The following DNM3 variants were observed in gnomAD, a reference collection of about 807,000 sequenced individuals.
DNM3 encodes dynamin 3.
DNM3 carries 47 observed loss-of-function variants against 101.6 expected under a neutral mutation model. That is an observed-to-expected ratio of 0.46 (90% CI 0.37 to 0.59). The LOEUF is 0.59. Ranked by LOEUF, DNM3 falls within the 20% of genes least tolerant of loss-of-function variation. The probability of loss-of-function intolerance (pLI) is 0.00; values close to 1 mark genes in which losing one functional copy is unlikely to be tolerated. For synonymous variants in DNM3, 385 were observed against 387.9 expected (o/e 0.99, Z 0.09); for missense variants, 849 against 1,085.7 (o/e 0.78, Z 3.06).
intron 15 of DNM3, among the ~76,000 whole-genome samples, chr1:172,265,719 C>T (rs1239660879): frequency 1.3e-5 from 2 of 152,100 alleles, no homozygotes; most frequent in African/African-American, 4.8e-5. Context: ...ATAATGGCCT[C>T]ACTGTGCTTC....
intron 4 of DNM3, among the ~76,000 whole-genome samples, chr1:172,012,840 G>A (rs2125714378): frequency 6.6e-6 from 1 of 151,956 alleles, no homozygotes; most frequent in Admixed American, 6.6e-5. Context: ...AATAAAAACT[G>A]GGTTATTCAG....
chr1:171,914,546 A>G (rs2039561394), intron 1 of DNM3, among the ~76,000 whole-genome samples: 1 of 152,012 alleles, frequency 6.6e-6, no homozygotes, highest in African/African-American at 2.4e-5. Context: ...ATTCTATTCC[A>G]TGTCATTAGA....
At chr1:172,289,997 G>A in intron 15 of DNM3, 3 of 914,338 alleles carry the variant, frequency 3.3e-6, no homozygotes, top group Non-Finnish European at 3.9e-6. Flanking sequence ...GACATCATAG[G>A]TTTGATGATT....
At chr1:172,185,162 G>A (rs2059479958) in intron 14 of DNM3, among the ~76,000 whole-genome samples, 1 of 152,092 alleles carries the variant, frequency 6.6e-6, no homozygotes, top group Non-Finnish European at 1.5e-5. Context: ...AGCTAAGATG[G>A]AATTGAGGGA....
intron 1 of DNM3, among the ~76,000 whole-genome samples, chr1:171,893,684 G>A (rs1470687682): frequency 6.6e-6 from 1 of 151,936 alleles, no homozygotes; most frequent in Non-Finnish European, 1.5e-5. Context: ...CAAACTCCTG[G>A]GCTCAAGTGA....
At chr1:172,111,736 G>C (rs1366190654) in intron 13 of DNM3, among the ~76,000 whole-genome samples, 1 of 151,964 alleles carries the variant, frequency 6.6e-6, no homozygotes, top group African/African-American at 2.4e-5. Flanking sequence ...GAACAGAGTA[G>C]ATAGAAGAAA....
chr1:172,208,760 G>T (rs1472353111), intron 14 of DNM3, among the ~76,000 whole-genome samples: 1 of 152,054 alleles, frequency 6.6e-6, no homozygotes, highest in Non-Finnish European at 1.5e-5. Context: ...GCTACTCCTT[G>T]ACACTGCTAG....
intron 17 of DNM3, among the ~76,000 whole-genome samples, chr1:172,325,823 T>C (rs2065915630): frequency 1.3e-5 from 2 of 152,222 alleles, no homozygotes; most frequent in Non-Finnish European, 2.9e-5. Context: ...ATCTAGTGCA[T>C]GGCATTTTAT....
intron 4 of DNM3, among the ~76,000 whole-genome samples, chr1:172,004,130 G>A (rs1384832143): frequency 6.6e-6 from 1 of 152,022 alleles, no homozygotes; most frequent in African/African-American, 2.4e-5. Context: ...ATACTTGGAA[G>A]AAAGTGAAAT....
intron 8 of DNM3, among the ~76,000 whole-genome samples, chr1:172,043,666 C>A (rs1325079068): frequency 6.6e-6 from 1 of 151,916 alleles, no homozygotes; most frequent in Non-Finnish European, 1.5e-5. Flanking sequence ...AGCTATGAAG[C>A]CATCAGTTAT....
intron 17 of DNM3, among the ~76,000 whole-genome samples, chr1:172,370,489 C>G (rs948012496): frequency 1.3e-5 from 2 of 151,954 alleles, no homozygotes; most frequent in African/African-American, 4.8e-5. Flanking sequence ...TTTGATCTTA[C>G]TATCTTTATG....
chr1:171,926,425 T>A (rs2040578035), intron 2 of DNM3, among the ~76,000 whole-genome samples: 1 of 152,222 alleles, frequency 6.6e-6, no homozygotes, highest in South Asian at 2.1e-4. Flanking sequence ...CAAACTTTAT[T>A]TTCTGCATGT....
intron 1 of DNM3, among the ~76,000 whole-genome samples, chr1:171,851,938 C>T (rs2033027063): frequency 1.3e-5 from 2 of 152,158 alleles, no homozygotes; most frequent in Non-Finnish European, 2.9e-5. Context: ...TTGTTGAATG[C>T]CTCTGATCTA....
intron 1 of DNM3, among the ~76,000 whole-genome samples, chr1:171,920,343 A>G (rs2040057930): frequency 6.6e-6 from 1 of 152,224 alleles, no homozygotes; most frequent in South Asian, 2.1e-4. Context: ...AGCACGCCAC[A>G]TGCCATTATT....
intron 1 of DNM3, among the ~76,000 whole-genome samples, chr1:171,893,291 G>A (rs2037460269): frequency 6.6e-6 from 1 of 151,920 alleles, no homozygotes; most frequent in Non-Finnish European, 1.5e-5. Context: ...ACAATGCCTT[G>A]TGCCATGTAT....
intron 17 of DNM3, among the ~76,000 whole-genome samples, chr1:172,365,928 T>C (rs1392098824): frequency 6.6e-6 from 1 of 151,930 alleles, no homozygotes; most frequent in Non-Finnish European, 1.5e-5. Flanking sequence ...CTTCAATAGA[T>C]ATACATTCAG....
In DNM3 at chr1:172,411,645, C is replaced by T. The variant is rs1286898230; in HGVS notation, c.*3804C>T. 1 of 984,832 alleles carries T rather than the reference C, an allele frequency of 1.0e-6. No individual in the cohort carries two copies. Among genetic ancestry groups the T allele is most frequent in the African/African-American group, 1.8e-5 (1 of 57,088 alleles). 61.0% of individuals were successfully genotyped at this position (984,832 alleles called of 1,614,324 possible). On this transcript the variant is annotated 3_prime_UTR_variant, in exon 21 of 21. Coordinates refer to ENST00000627582, the MANE Select transcript of DNM3 (RefSeq NM_015569.5). Reference sequence around the variant, plus strand: ...ATCTAATACCTTGGAGGTAGGTCATCCACTTTTTCAGGTAAACATTTTTCA... The same window carrying T: ...ATCTAATACCTTGGAGGTAGGTCATTCACTTTTTCAGGTAAACATTTTTCA...
rs191541753 is a variant in DNM3, at chr1:172,127,974, G to T, written c.1546-3201G>T. On this transcript the variant is annotated intron_variant, in intron 13 of 20. Coordinates refer to ENST00000627582, the MANE Select transcript of DNM3 (RefSeq NM_015569.5). ...CCACCACCACACTGGCATAGCTAAA[G>T]ACACTGTGATGTCTGCATTGTACTG... Among the ~76,000 whole-genome samples the T allele has an allele frequency of 2.8e-4, 43 of 152,228 alleles. No homozygotes were observed. In the East Asian group the frequency reaches 7.1e-3, roughly 25 times the overall value.
intron 14 of DNM3, among the ~76,000 whole-genome samples, chr1:172,222,137 A>G (rs2060929871): frequency 1.3e-5 from 2 of 152,180 alleles, no homozygotes; most frequent in South Asian, 4.1e-4. Flanking sequence ...ACGAAAACTC[A>G]TGTAGAAGCC....
Sources: gnomAD v4.1 joint callset for allele counts (sites outside exome capture counted in the v4.1 genomes callset) on GRCh38, gnomAD v4.1.1 for gene constraint, MANE v1.5 for transcripts, NCBI Gene and HGNC (gene_info 2026-07-23, HGNC 2026-07-21) for gene names.